MED13: variants seen among roughly 807,000 people sequenced by gnomAD.
The protein encoded by MED13 is mediator complex subunit 13.
In MED13, 23 loss-of-function variants were observed where a neutral mutation model predicts 225.2. The observed-to-expected ratio is 0.10, with a 90% CI of 0.07 to 0.14. The LOEUF is 0.14. Among genes scored for constraint, MED13 ranks in the 10% least tolerant of loss-of-function variants. The probability of loss-of-function intolerance (pLI) is 1.00; values close to 1 mark genes in which losing one functional copy is unlikely to be tolerated. For missense variants in MED13, 2,197 were observed against 2,594.5 expected (o/e 0.85, Z 3.33); for synonymous variants, 942 against 889.2 (o/e 1.06, Z -1.06).
At position 61,953,123 on chromosome 17, in the gene MED13, A is replaced by G. The variant is rs2079911046; in HGVS notation, c.5969-10T>C. ...ATTCCATCTGCTCCATCTAAACAGG[A>G]GAAAGAAAAGAAATTTAAAACTCCA... is the stretch of plus-strand genomic sequence containing the variant. On this transcript the variant is annotated splice_polypyrimidine_tract_variant and intron_variant, in intron 26 of 29. Transcript: ENST00000397786. The G allele has an allele frequency of 6.2e-7, 1 of 1,603,986 alleles. No individual in the cohort carries two copies. Among genetic ancestry groups the G allele is most frequent in the African/African-American group, 1.3e-5 (1 of 74,396 alleles).
rs1341897939 is a variant in MED13, at chr17:61,968,348, CAG to C, written c.3968-92_3968-91del. ...TTATTTATTTATTTATTTTTTGAGA[CAG>C]AGTCTCGCTCTGTCGCCCAGACTGG... On this transcript the variant is annotated intron_variant, in intron 17 of 29. Transcript: ENST00000397786. 412 of 972,496 alleles carry C rather than the reference CAG, an allele frequency of 4.2e-4. 7 individuals are homozygous for C. The East Asian group carries it at 7.8e-3, about 18-fold the overall frequency. 60.2% of individuals were successfully genotyped at this position (972,496 alleles called of 1,614,324 possible). A position where few individuals can be genotyped will look rare whatever the true frequency, so the allele number is the denominator to read the frequency against.
chr17:62,005,602 T>C (rs1392738138), intron 9 of MED13: 3 of 151,812 alleles, frequency 2.0e-5, no homozygotes, highest in Non-Finnish European at 4.4e-5. Flanking sequence ...TAAGACTCTG[T>C]CTCAAAATAA....
At position 61,965,123 on chromosome 17, in the gene MED13, G is replaced by C; in HGVS notation, c.4727C>G (p.Ala1576Gly). 6.2e-7 allele frequency: 1 copy of C among 1,614,172 alleles called. No individual in the cohort carries two copies. Residue 1576 changes from alanine to glycine, a missense_variant, in exon 20 of 30, where the codon GCA (alanine) becomes GGA (glycine). Physicochemically the swap from Ala to Gly is moderately conservative, Grantham distance 60. Transcript: ENST00000397786. The stretch of plus-strand genomic sequence containing the variant: ...TAGCTGACCACTCTGAACTGTATTT[G>C]CTTGTGTAGACATGGATCCTGCAGC... ...SNAAGSMSTQ[A>G]NTVQSGQLGG...
rs181004384 is a variant in MED13 at position 61,962,248 on chromosome 17, T to C, written c.5065-469A>G. 3.4e-3 allele frequency among the ~76,000 whole-genome samples: 523 copies of C among 152,204 alleles called. 2 individuals carry two copies. Among genetic ancestry groups the C allele is most frequent in the African/African-American group, 0.011 (471 of 41,514 alleles). On this transcript the variant is annotated intron_variant, in intron 21 of 29. Coordinates refer to ENST00000397786, the MANE Select transcript of MED13 (RefSeq NM_005121.3). Reference sequence around the variant, plus strand: ...TTGCAGTGAGCCGAGATCACGCCACTGCACTCCAGTCTGGCGACAGAGCGA... The same window carrying C: ...TTGCAGTGAGCCGAGATCACGCCACCGCACTCCAGTCTGGCGACAGAGCGA...
chr17:61,975,663 G>A (rs191564996), intron 16 of MED13, among the ~76,000 whole-genome samples: 2 of 152,150 alleles, frequency 1.3e-5, no homozygotes, highest in Non-Finnish European at 2.9e-5. Flanking sequence ...TGGTTGCAAT[G>A]AGCCAAGATC....
chr17:61,961,265 G>A (rs562622474), intron 22 of MED13, among the ~76,000 whole-genome samples, 175 bp from the exon 23 acceptor site: 6 of 152,020 alleles, frequency 3.9e-5, no homozygotes, highest in Middle Eastern at 3.4e-3. Context: ...ACGGTGGCTC[G>A]TGCCTGTAAT....
intron 28 of MED13, among the ~76,000 whole-genome samples, chr17:61,950,382 GTTGT>G (rs1488094541): frequency 6.6e-6 from 1 of 151,300 alleles, no homozygotes; most frequent in Non-Finnish European, 1.5e-5. Flanking sequence ...TTAAAAACTA[GTTGT>G]TTTTTTTTTT....
intron 26 of MED13, among the ~76,000 whole-genome samples, chr17:61,955,147 CTCT>C (rs138070242): frequency 0.013 from 1,940 of 152,274 alleles, 39 homozygotes; most frequent in African/African-American, 0.044. Flanking sequence ...TGGCTTTCTT[CTCT>C]TCTATGTAGT....
chr17:62,025,063 C>G (rs1396788177), intron 8 of MED13, among the ~76,000 whole-genome samples: 1 of 152,122 alleles, frequency 6.6e-6, no homozygotes, highest in Non-Finnish European at 1.5e-5. Context: ...AATAGGATTG[C>G]TCGGTCAAAT....
chr17:61,946,284 T>C lies in MED13; in HGVS notation c.*184A>G, dbSNP rs540607501. 2.6e-4 allele frequency: 161 copies of C among 629,904 alleles called. 1 individual carries two copies. The highest frequency in any genetic ancestry group is 6.8e-4 in the South Asian group (30 of 44,266). The allele number at this position is 629,904 out of a possible 1,614,324, so 39.0% of individuals were successfully genotyped here. A position where few individuals can be genotyped will look rare whatever the true frequency, so the allele number is the denominator to read the frequency against. On this transcript the variant is annotated 3_prime_UTR_variant, in exon 30 of 30. Coordinates refer to ENST00000397786, the MANE Select transcript of MED13 (RefSeq NM_005121.3). ...TCAGTCATCATCCTAAAGAGTTCAA[T>C]AGAGTCAATGAAAAATAGCAGGGTT...
chr17:61,946,833 C>A, intron 29 of MED13, 84 bp downstream of exon 29: 1 of 1,365,976 alleles, frequency 7.3e-7, no homozygotes, highest in Non-Finnish European at 1.0e-6. Flanking sequence ...AAATTCTTGC[C>A]AAAAATGAGA....
intron 2 of MED13, among the ~76,000 whole-genome samples, chr17:62,058,892 C>T (rs1199620953): frequency 6.6e-6 from 1 of 152,144 alleles, no homozygotes; most frequent in East Asian, 1.9e-4. Flanking sequence ...CTGATCTTTG[C>T]CAGTTAGCAA....
chr17:62,052,445 G>T, intron 3 of MED13, 92 bp downstream of exon 3: 2 of 954,994 alleles, frequency 2.1e-6, no homozygotes, highest in South Asian at 2.2e-5. Context: ...GAATATGTCT[G>T]TATATTAGCT....
intron 4 of MED13, among the ~76,000 whole-genome samples, chr17:62,034,345 G>A (rs953389461): frequency 2.0e-5 from 3 of 151,892 alleles, no homozygotes; most frequent in Non-Finnish European, 4.4e-5. Flanking sequence ...AAATTAGCTG[G>A]GTGTGGTTGC....
At chr17:61,995,089 T>A in intron 10 of MED13, 63 bp downstream of exon 10, 1 of 1,029,790 alleles carries the variant, frequency 9.7e-7, no homozygotes, top group Non-Finnish European at 1.5e-6. Flanking sequence ...GTAGTAAGAG[T>A]GTTACTATAT....
At chr17:62,042,419 G>A (rs1187666396) in intron 3 of MED13, among the ~76,000 whole-genome samples, 1 of 151,950 alleles carries the variant, frequency 6.6e-6, no homozygotes, top group Non-Finnish European at 1.5e-5. Context: ...AAAATTAGCT[G>A]GGCATGGTGG....
At chr17:61,994,046 A>ATGGT (rs1194195124) in intron 10 of MED13, among the ~76,000 whole-genome samples, 1 of 151,620 alleles carries the variant, frequency 6.6e-6, no homozygotes, top group Non-Finnish European at 1.5e-5. Flanking sequence ...GTCACCAGGC[A>ATGGT]GAAGTTCACT....
At chr17:62,015,804 A>G (rs2143611100) in intron 8 of MED13, among the ~76,000 whole-genome samples, 1 of 129,254 alleles carries the variant, frequency 7.7e-6, no homozygotes, top group East Asian at 2.9e-4. Context: ...CACTATATAT[A>G]TCTATATATA....
intron 23 of MED13, among the ~76,000 whole-genome samples, chr17:61,957,583 C>T (rs1050466243): frequency 2.0e-5 from 3 of 151,920 alleles, no homozygotes; most frequent in African/African-American, 7.2e-5. Flanking sequence ...CTCCTGACCT[C>T]GTGATCCGCC....
Sources: allele counts gnomAD v4.1 joint callset (sites outside exome capture counted in the v4.1 genomes callset), GRCh38; gene constraint gnomAD v4.1.1; transcripts MANE v1.5; gene names NCBI Gene and HGNC (gene_info 2026-07-23, HGNC 2026-07-21).